COL5A2: variants seen among roughly 807,000 people sequenced by gnomAD.
COL5A2 encodes the protein collagen alpha-2(V) chain.
A neutral mutation model predicts 208.2 loss-of-function variants in COL5A2; 23 were observed. The ratio of observed to expected loss-of-function variants is 0.11; its 90% CI spans 0.08 to 0.16. COL5A2 has a LOEUF of 0.16. Ranked by LOEUF, COL5A2 falls within the 10% of genes least tolerant of loss-of-function variation. The pLI is 1.00. For synonymous variants in COL5A2, 625 were observed against 628.5 expected, an observed-to-expected ratio of 0.99 and a Z score of 0.08; for missense variants, 1,590 against 1,956.4, an observed-to-expected ratio of 0.81 and a Z score of 3.53.
the COL5A2 span, among the ~76,000 whole-genome samples, chr2:189,258,586 C>T: frequency 1.3e-4 from 20 of 152,246 alleles, no homozygotes; most frequent in African/African-American, 4.6e-4. Flanking sequence ...AAAAAATGCA[C>T]TATGCAGTTT....
the COL5A2 span, among the ~76,000 whole-genome samples, chr2:189,431,524 A>G: frequency 4.6e-5 from 7 of 152,238 alleles, no homozygotes; most frequent in Non-Finnish European, 7.3e-5. Flanking sequence ...GCTGAAAACC[A>G]TGCCACAAGA....
At chr2:189,380,212 A>T in the COL5A2 span, among the ~76,000 whole-genome samples, 1 of 152,168 alleles carries the variant, frequency 6.6e-6, no homozygotes, top group South Asian at 2.1e-4. Context: ...AAGGTAGATG[A>T]GATATTCCAG....
intron 18 of COL5A2, 25 bp downstream of exon 18, chr2:189,072,015 C>T: frequency 1.4e-6 from 2 of 1,480,012 alleles, no homozygotes; most frequent in South Asian, 2.3e-5. Context: ...GCGTTAAATA[C>T]TGTATATTAA....
rs746653192 is a variant in COL5A2, at chr2:189,054,261, ATCT to A, written c.2392-52_2392-50del. The A allele has an allele frequency of 1.6e-5, 22 of 1,370,524 alleles. No individual in the cohort carries two copies. The Admixed American group carries it at 2.0e-4, about 13-fold the overall frequency. The allele number at this position is 1,370,524 out of a possible 1,614,324, so 84.9% of individuals were successfully genotyped here. A position where few individuals can be genotyped will look rare whatever the true frequency, so the allele number is the denominator to read the frequency against. On this transcript the variant is annotated intron_variant, in intron 35 of 53. Transcript: ENST00000374866. Reference sequence around the variant, plus strand: ...ATATTGAGGTAAAAAATGCACAGAAATCTTCATGCTTAGCAAATCAACAAACAA... The same window carrying A: ...ATATTGAGGTAAAAAATGCACAGAAATCATGCTTAGCAAATCAACAAACAA...
intron 1 of COL5A2, among the ~76,000 whole-genome samples, chr2:189,222,268 C>T (rs1689355646): frequency 6.6e-6 from 1 of 152,082 alleles, no homozygotes; most frequent in Non-Finnish European, 1.5e-5. Flanking sequence ...AATTCTTAGG[C>T]CCCTTCCTTA....
At chr2:189,376,677 C>A in the COL5A2 span, among the ~76,000 whole-genome samples, 2 of 152,194 alleles carry the variant, frequency 1.3e-5, no homozygotes, top group Admixed American at 1.3e-4. Flanking sequence ...ATTATCTATG[C>A]AGTTGTAAGA....
the COL5A2 span, among the ~76,000 whole-genome samples, chr2:189,417,148 A>T: frequency 6.6e-6 from 1 of 152,114 alleles, no homozygotes; most frequent in Non-Finnish European, 1.5e-5. Context: ...GAAAATTTCC[A>T]ATTGTTTTGA....
chr2:189,063,828 G>T, intron 26 of COL5A2, 152 bp downstream of exon 26: 1 of 622,750 alleles, frequency 1.6e-6, no homozygotes, highest in Non-Finnish European at 2.8e-6. Context: ...CTTGAAAATA[G>T]ATCCTAAGAA....
chr2:189,197,747 C>T (rs1689023421), intron 1 of COL5A2, among the ~76,000 whole-genome samples: 1 of 151,846 alleles, frequency 6.6e-6, no homozygotes, highest in African/African-American at 2.4e-5. Context: ...CAAATACATT[C>T]AGGCAGGATC....
intron 1 of COL5A2, among the ~76,000 whole-genome samples, chr2:189,144,137 T>C (rs1687992209): frequency 6.6e-6 from 1 of 152,128 alleles, no homozygotes; most frequent in South Asian, 2.1e-4. Context: ...CAAGAAACCA[T>C]GTTGCTGTGA....
the COL5A2 span, among the ~76,000 whole-genome samples, chr2:189,232,310 G>A: frequency 6.6e-6 from 1 of 151,478 alleles, no homozygotes; most frequent in African/African-American, 2.4e-5. Context: ...TTCTTTAATT[G>A]TGAAAATAAC....
chr2:189,201,954 C>A (rs577308144), intron 1 of COL5A2, among the ~76,000 whole-genome samples: 12 of 151,274 alleles, frequency 7.9e-5, no homozygotes, highest in African/African-American at 2.7e-4. Context: ...TAAATCTAGT[C>A]TGTTAATAAA....
At chr2:189,094,574 C>T (rs575393778) in intron 6 of COL5A2, among the ~76,000 whole-genome samples, 1 of 136,976 alleles carries the variant, frequency 7.3e-6, no homozygotes, top group Admixed American at 7.7e-5. Flanking sequence ...TTCTCTCTCT[C>T]TCTCTTTCTC....
intron 1 of COL5A2, among the ~76,000 whole-genome samples, chr2:189,185,874 C>T (rs536855719): frequency 4.2e-4 from 64 of 152,232 alleles, no homozygotes; most frequent in African/African-American, 1.5e-3. Flanking sequence ...AGGTGTCAAT[C>T]CCGGAGAACC....
intron 33 of COL5A2, 139 bp from the exon 34 acceptor site, chr2:189,057,566 T>C (rs1174586895): frequency 4.3e-6 from 3 of 690,952 alleles, no homozygotes; most frequent in East Asian, 2.7e-5. Context: ...TCTGAGAAAG[T>C]TGTCTCTGAG....
At chr2:189,325,894 C>T in the COL5A2 span, among the ~76,000 whole-genome samples, 5 of 152,072 alleles carry the variant, frequency 3.3e-5, no homozygotes, top group South Asian at 4.2e-4. Flanking sequence ...GTCAGGAATT[C>T]GACACCAGCC....
upstream of COL5A2, chr2:189,179,893 A>C (rs1688751479): frequency 6.9e-6 from 4 of 581,712 alleles, no homozygotes; most frequent in African/African-American, 1.9e-5. Flanking sequence ...TTGATGGTAA[A>C]CAACCAAATC....
the COL5A2 span, among the ~76,000 whole-genome samples, chr2:189,292,210 G>A: frequency 1.1e-4 from 17 of 152,098 alleles, no homozygotes; most frequent in Admixed American, 6.5e-4. Context: ...ATGGAAGACC[G>A]CAGCTTATTA....
the COL5A2 span, among the ~76,000 whole-genome samples, chr2:189,329,547 A>G: frequency 1.4e-4 from 21 of 152,228 alleles, no homozygotes; most frequent in African/African-American, 4.6e-4. Context: ...TAATCATTTT[A>G]TAATGCATAC....
Sources: gnomAD v4.1 joint callset for allele counts (sites outside exome capture counted in the v4.1 genomes callset) on GRCh38, gnomAD v4.1.1 for gene constraint, MANE v1.5 for transcripts, NCBI Gene and HGNC (gene_info 2026-07-23, HGNC 2026-07-21) for gene names.